NKAIN3: variants seen among roughly 807,000 people sequenced by gnomAD.
The protein encoded by NKAIN3 is sodium/potassium transporting ATPase interacting 3.
A neutral mutation model predicts 30.2 loss-of-function variants in NKAIN3; 25 were observed. The ratio of observed to expected loss-of-function variants is 0.83; its 90% confidence interval spans 0.60 to 1.16. The LOEUF is 1.16. Ranked by LOEUF, NKAIN3 falls within the 50% of genes most tolerant of loss-of-function variation. NKAIN3 has a pLI of 0.00. For synonymous variants in NKAIN3, 91 were observed against 89.6 expected (o/e 1.02, Z -0.09); for missense variants, 225 against 254.1 (o/e 0.89, Z 0.78).
At chr8:62,376,490 A>G (rs892480549) in intron 1 of NKAIN3, among the ~76,000 whole-genome samples, 3 of 152,132 alleles carry the variant, frequency 2.0e-5, no homozygotes, top group Non-Finnish European at 4.4e-5. Flanking sequence ...CCTTTGAAAA[A>G]CAGTTTTTCT....
chr8:62,410,013 G>A (rs182477919), intron 1 of NKAIN3, among the ~76,000 whole-genome samples: 1 of 152,120 alleles, frequency 6.6e-6, no homozygotes, highest in Admixed American at 6.6e-5. Flanking sequence ...GATACAGGGA[G>A]CACATGTTCA....
intron 1 of NKAIN3, among the ~76,000 whole-genome samples, chr8:62,430,940 A>G (rs1052034991): frequency 2.0e-5 from 3 of 151,934 alleles, no homozygotes; most frequent in Non-Finnish European, 4.4e-5. Flanking sequence ...AAAAAGCAGG[A>G]AAGTATTATA....
chr8:62,301,380 G>T (rs1202152061), intron 1 of NKAIN3, among the ~76,000 whole-genome samples: 1 of 152,046 alleles, frequency 6.6e-6, no homozygotes, highest in Non-Finnish European at 1.5e-5. Flanking sequence ...CTCTAGCACT[G>T]CCTCATGATT....
intron 1 of NKAIN3, among the ~76,000 whole-genome samples, chr8:62,273,353 T>C (rs576046032): frequency 1.8e-4 from 28 of 152,274 alleles, no homozygotes; most frequent in African/African-American, 6.5e-4. Flanking sequence ...CATGACTTCT[T>C]TGCTTTTATG....
At chr8:62,475,987 A>G (rs1300039143) in intron 1 of NKAIN3, among the ~76,000 whole-genome samples, 1 of 152,184 alleles carries the variant, frequency 6.6e-6, no homozygotes, top group Non-Finnish European at 1.5e-5. Context: ...CATGAGATTC[A>G]TAATAAGAAT....
chr8:62,847,654 T>C (rs889920738), intron 4 of NKAIN3, among the ~76,000 whole-genome samples: 1 of 152,200 alleles, frequency 6.6e-6, no homozygotes, highest in Non-Finnish European at 1.5e-5. Flanking sequence ...GTTGATAGTA[T>C]GTTTTGCTGT....
At chr8:62,786,231 A>G (rs921595748) in intron 4 of NKAIN3, among the ~76,000 whole-genome samples, 1 of 152,202 alleles carries the variant, frequency 6.6e-6, no homozygotes, top group African/African-American at 2.4e-5. Flanking sequence ...ATGTGGAATC[A>G]TAATTAAACC....
rs529053078 is a variant in NKAIN3, at chr8:62,970,061, A to T, written c.*4654A>T. Among the ~76,000 whole-genome samples, 890 of 101,738 alleles carry T rather than the reference A, an allele frequency of 8.7e-3. 8 individuals are homozygous for T. The highest frequency in any genetic ancestry group is 0.027 in the African/African-American group (842 of 30,760). 66.7% of individuals were successfully genotyped at this position (101,738 alleles called of 152,430 possible). ...ACAAACAAATAAACAAAAAATACCT[A>T]AAAAAAAATTTAAATTAGCCAAGCA... On this transcript the variant is annotated 3_prime_UTR_variant, in exon 7 of 7. Transcript: ENST00000623646.
chr8:62,263,887 T>G (rs1184832124), intron 1 of NKAIN3, among the ~76,000 whole-genome samples: 1 of 152,138 alleles, frequency 6.6e-6, no homozygotes, highest in Non-Finnish European at 1.5e-5. Context: ...TGATGCCAAT[T>G]TACAAGAAAG....
intron 4 of NKAIN3, among the ~76,000 whole-genome samples, chr8:62,819,556 T>C (rs1818790263): frequency 6.6e-6 from 1 of 152,130 alleles, no homozygotes; most frequent in Non-Finnish European, 1.5e-5. Context: ...TCAGTCATGG[T>C]AGTAATATTT....
chr8:62,536,832 A>T (rs1313245662), intron 1 of NKAIN3, among the ~76,000 whole-genome samples: 1 of 152,142 alleles, frequency 6.6e-6, no homozygotes, highest in Non-Finnish European at 1.5e-5. Flanking sequence ...ACATTTTTAT[A>T]TACAATCTAA....
At chr8:62,432,523 A>T (rs568555596) in intron 1 of NKAIN3, among the ~76,000 whole-genome samples, 1 of 152,180 alleles carries the variant, frequency 6.6e-6, no homozygotes, top group East Asian at 1.9e-4. Context: ...AATCTGTGAC[A>T]AAAACTGTAC....
chr8:62,389,708 T>C (rs1308235718), intron 1 of NKAIN3, among the ~76,000 whole-genome samples: 1 of 152,206 alleles, frequency 6.6e-6, no homozygotes, highest in South Asian at 2.1e-4. Context: ...TCAATGTTTC[T>C]GCACTCCAAA....
intron 4 of NKAIN3, among the ~76,000 whole-genome samples, chr8:62,891,857 C>T (rs1473525681): frequency 1.3e-5 from 2 of 152,020 alleles, no homozygotes; most frequent in African/African-American, 4.8e-5. Context: ...CCTTGCCTTC[C>T]CCCCGCTTTC....
At chr8:62,569,494 G>A (rs565483327) in intron 1 of NKAIN3, among the ~76,000 whole-genome samples, 1 of 152,124 alleles carries the variant, frequency 6.6e-6, no homozygotes, top group Non-Finnish European at 1.5e-5. Flanking sequence ...GACTACTTCA[G>A]GCTGGGCACA....
At chr8:62,491,115 A>G (rs943179751) in intron 1 of NKAIN3, among the ~76,000 whole-genome samples, 1 of 152,128 alleles carries the variant, frequency 6.6e-6, no homozygotes, top group Non-Finnish European at 1.5e-5. Flanking sequence ...GTCATATGGA[A>G]GGAGAAATAG....
In NKAIN3 at chr8:62,721,123, G is replaced by C. The variant is rs189647860; in HGVS notation, c.274-25809G>C. 1.7e-4 allele frequency among the ~76,000 whole-genome samples: 26 copies of C among 152,206 alleles called. 1 individual carries two copies. Among genetic ancestry groups the C allele is most frequent in the African/African-American group, 6.0e-4 (25 of 41,544 alleles). On this transcript the variant is annotated intron_variant, in intron 3 of 6. Coordinates refer to ENST00000623646, the MANE Select transcript of NKAIN3 (RefSeq NM_001304533.3). ...CATTACTTTTTACGTAGCCCCATCT[G>C]TCCAGGAGTAAAATATCCCTGTAGC...
intron 4 of NKAIN3, chr8:62,855,435 A>C: frequency 8.9e-7 from 1 of 1,122,064 alleles, no homozygotes; most frequent in Non-Finnish European, 1.4e-6. Context: ...TCCTCTTCTG[A>C]ATACTTCATC....
chr8:62,680,925 G>A (rs1451565223), intron 3 of NKAIN3, among the ~76,000 whole-genome samples: 3 of 152,058 alleles, frequency 2.0e-5, no homozygotes, highest in African/African-American at 7.2e-5. Context: ...TTAGTGAATC[G>A]AGCAACCTCA....
Sources: allele counts gnomAD v4.1 joint callset (sites outside exome capture counted in the v4.1 genomes callset), GRCh38; gene constraint gnomAD v4.1.1; transcripts MANE v1.5; gene names NCBI Gene and HGNC (gene_info 2026-07-23, HGNC 2026-07-21).